The following SAMTOR variants were observed in gnomAD, a reference collection of about 807,000 sequenced individuals.
SAMTOR encodes the protein UPF0532 protein C7orf60.
At chr7:112,865,427 G>C in the SAMTOR span, among the ~76,000 whole-genome samples, 1 of 151,924 alleles carries the variant, frequency 6.6e-6, no homozygotes, top group African/African-American at 2.4e-5. Flanking sequence ...ACAGGCACAC[G>C]CCACCATACC....
the SAMTOR span, among the ~76,000 whole-genome samples, chr7:112,920,247 C>T: frequency 6.4e-4 from 97 of 152,272 alleles, no homozygotes; most frequent in African/African-American, 2.0e-3. Flanking sequence ...AAAGCTTATC[C>T]GCCATGATCA....
the SAMTOR span, among the ~76,000 whole-genome samples, chr7:112,922,651 C>G: frequency 6.6e-6 from 1 of 151,854 alleles, no homozygotes; most frequent in African/African-American, 2.4e-5. Context: ...GGCCATGACC[C>G]CATCTGGGAG....
At chr7:112,824,269 G>T in the SAMTOR span, among the ~76,000 whole-genome samples, 1 of 152,076 alleles carries the variant, frequency 6.6e-6, no homozygotes, top group Non-Finnish European at 1.5e-5. Context: ...AGGTCATAAA[G>T]ACTTTTTTTC....
At chr7:112,915,064 C>G in the SAMTOR span, among the ~76,000 whole-genome samples, 2 of 151,916 alleles carry the variant, frequency 1.3e-5, no homozygotes, top group African/African-American at 4.8e-5. Flanking sequence ...GATGGTGAAA[C>G]CCCATCTCTA....
At chr7:112,939,805 A>AT in the SAMTOR span, 2 of 1,408,998 alleles carry the variant, frequency 1.4e-6, no homozygotes, top group Non-Finnish European at 1.9e-6. Flanking sequence ...CGCTCCCCAG[A>AT]TGGAGGAGGT....
the SAMTOR span, among the ~76,000 whole-genome samples, chr7:112,928,194 T>C: frequency 6.6e-6 from 1 of 152,002 alleles, no homozygotes; most frequent in Admixed American, 6.6e-5. Context: ...CTACATAACA[T>C]CCAGAAGCGC....
At chr7:112,844,057 G>A in the SAMTOR span, among the ~76,000 whole-genome samples, 1 of 151,982 alleles carries the variant, frequency 6.6e-6, no homozygotes, top group African/African-American at 2.4e-5. Flanking sequence ...GTGCAGAAAA[G>A]GCTTCTGATA....
chr7:112,880,972 T>C, the SAMTOR span, among the ~76,000 whole-genome samples: 1 of 151,976 alleles, frequency 6.6e-6, no homozygotes. Flanking sequence ...CTCTCCCAAG[T>C]TGGAAGGGAA....
At chr7:112,893,968 T>C in the SAMTOR span, among the ~76,000 whole-genome samples, 2 of 152,254 alleles carry the variant, frequency 1.3e-5, no homozygotes, top group South Asian at 2.1e-4. Context: ...GTTAATTCTT[T>C]GGTAGAAAAG....
chr7:112,928,549 G>A, the SAMTOR span, among the ~76,000 whole-genome samples: 1 of 152,044 alleles, frequency 6.6e-6, no homozygotes, highest in Non-Finnish European at 1.5e-5. Context: ...AAGTTAATTA[G>A]GGTGCTCAGT....
At chr7:112,934,107 C>A in the SAMTOR span, among the ~76,000 whole-genome samples, 4 of 152,080 alleles carry the variant, frequency 2.6e-5, no homozygotes, top group Non-Finnish European at 4.4e-5. Flanking sequence ...GCATAAATGG[C>A]GGCAGATACA....
chr7:112,924,330 A>G, the SAMTOR span, among the ~76,000 whole-genome samples: 1 of 152,204 alleles, frequency 6.6e-6, no homozygotes, highest in Non-Finnish European at 1.5e-5. Flanking sequence ...AGGAATTATA[A>G]TAGTCCAAAT....
chr7:112,872,951 GCACACACC>G, the SAMTOR span, among the ~76,000 whole-genome samples: 128 of 151,214 alleles, frequency 8.5e-4, 1 homozygote, highest in East Asian at 0.01. Flanking sequence ...GCACGTGCGT[GCACACACC>G]CACACACCCA....
the SAMTOR span, among the ~76,000 whole-genome samples, chr7:112,865,351 C>T: frequency 9.9e-5 from 15 of 152,028 alleles, no homozygotes; most frequent in Non-Finnish European, 2.2e-4. Flanking sequence ...AATCTCAGCT[C>T]ACTGCAACCT....
At chr7:112,920,698 A>C in the SAMTOR span, among the ~76,000 whole-genome samples, 1 of 142,322 alleles carries the variant, frequency 7.0e-6, no homozygotes. Context: ...TATCTAGAAA[A>C]CCCCACTGTC....
At chr7:112,856,108 A>G in the SAMTOR span, among the ~76,000 whole-genome samples, 8 of 152,188 alleles carry the variant, frequency 5.3e-5, no homozygotes, top group Non-Finnish European at 1.2e-4. Context: ...CGAGTATACA[A>G]CTAACTCAGA....
At chr7:112,869,526 A>T in the SAMTOR span, among the ~76,000 whole-genome samples, 1 of 152,168 alleles carries the variant, frequency 6.6e-6, no homozygotes, top group Admixed American at 6.5e-5. Context: ...ATCATATTCA[A>T]CATACACCAG....
chr7:112,936,793 A>G, the SAMTOR span, among the ~76,000 whole-genome samples: 1 of 152,046 alleles, frequency 6.6e-6, no homozygotes. Flanking sequence ...CTCACCTTGT[A>G]TAGCCCCAAC....
At chr7:112,829,392 T>C in the SAMTOR span, among the ~76,000 whole-genome samples, 1 of 152,206 alleles carries the variant, frequency 6.6e-6, no homozygotes, top group Non-Finnish European at 1.5e-5. Flanking sequence ...TATTGAAGCA[T>C]AACACATATA....
Sources: gnomAD v4.1 joint callset for allele counts (sites outside exome capture counted in the v4.1 genomes callset) on GRCh38, gnomAD v4.1.1 for gene constraint, MANE v1.5 for transcripts, NCBI Gene and HGNC (gene_info 2026-07-23, HGNC 2026-07-21) for gene names.